Variants in THSD4 observed in about 807,000 individuals in gnomAD.
THSD4 encodes the protein thrombospondin type-1 domain-containing protein 4.
THSD4 carries 69 observed loss-of-function variants against 119.0 expected under a neutral mutation model. That is an observed-to-expected ratio of 0.58 (90% CI 0.48 to 0.71). The LOEUF (loss-of-function observed/expected upper bound fraction) is 0.71, where lower values mean the gene tolerates loss of function less well. Among genes scored for constraint, THSD4 ranks in the 30% least tolerant of loss-of-function variants. THSD4 has a pLI of 0.00. For synonymous variants in THSD4, 524 were observed against 540.4 expected, an observed-to-expected ratio of 0.97 and a Z score of 0.42; for missense variants, 1,393 against 1,391.1, an observed-to-expected ratio of 1.00 and a Z score of -0.02.
chr15:71,414,802 C>T (rs1286834934), intron 7 of THSD4, among the ~76,000 whole-genome samples: 2 of 152,108 alleles, frequency 1.3e-5, no homozygotes, highest in African/African-American at 4.8e-5. Context: ...AGACATTTTC[C>T]AGGATGTGAG....
chr15:71,586,029 A>G (rs2049662723), intron 7 of THSD4, among the ~76,000 whole-genome samples: 1 of 152,228 alleles, frequency 6.6e-6, no homozygotes, highest in African/African-American at 2.4e-5. Flanking sequence ...ATTAACTTTA[A>G]GATGATTATT....
chr15:71,126,925 C>A (rs1027395040), intron 1 of THSD4, among the ~76,000 whole-genome samples: 5 of 152,172 alleles, frequency 3.3e-5, no homozygotes, highest in African/African-American at 4.8e-5. Context: ...AAATACTTAT[C>A]ATTTTTTGTA....
chr15:71,147,029 A>G (rs571117330), intron 2 of THSD4, among the ~76,000 whole-genome samples: 1 of 152,276 alleles, frequency 6.6e-6, no homozygotes, highest in East Asian at 1.9e-4. Flanking sequence ...TTGGGTTAAC[A>G]TTGACCCCTC....
chr15:71,410,719 G>C (rs1160955295), intron 6 of THSD4, among the ~76,000 whole-genome samples: 7 of 152,156 alleles, frequency 4.6e-5, no homozygotes, highest in Non-Finnish European at 1.0e-4. Context: ...TGATATAACT[G>C]CGTAGATATT....
intron 7 of THSD4, among the ~76,000 whole-genome samples, chr15:71,578,744 G>T (rs1176813304): frequency 6.6e-6 from 1 of 151,898 alleles, no homozygotes; most frequent in East Asian, 1.9e-4. Flanking sequence ...AGGTTATATT[G>T]TGATAATATA....
intron 12 of THSD4, among the ~76,000 whole-genome samples, chr15:71,746,403 T>C (rs2053338009): frequency 6.6e-6 from 1 of 152,178 alleles, no homozygotes; most frequent in African/African-American, 2.4e-5. Context: ...TCTTTTTCTT[T>C]TCTTTTTTTG....
At chr15:71,245,215 T>A (rs566557468) in intron 5 of THSD4, among the ~76,000 whole-genome samples, 1 of 152,328 alleles carries the variant, frequency 6.6e-6, no homozygotes, top group East Asian at 1.9e-4. Flanking sequence ...TGTAGTTCCC[T>A]TCTCTTCCCT....
chr15:71,349,528 AC>A (rs2045717094), intron 6 of THSD4, among the ~76,000 whole-genome samples: 1 of 151,968 alleles, frequency 6.6e-6, no homozygotes. Context: ...CCTGTCAGTG[AC>A]CCCTGACCCC....
Position 71,532,283 on chromosome 15 carries a change from A to AGAGAGTGTGT in THSD4, c.1152+120461_1152+120462insAGAGTGTGTG, listed in dbSNP as rs1379506089. On this transcript the variant is annotated intron_variant, in intron 7 of 17. Coordinates refer to ENST00000261862, the MANE Select transcript of THSD4 (RefSeq NM_024817.3). ...AAGGGTGAGAGAGAGAGAGAGAGAG[A>AGAGAGTGTGT]GTGTGTGTGTGTGTGTGTGTGTGTG... 5.6e-3 allele frequency among the ~76,000 whole-genome samples: 568 copies of AGAGAGTGTGT among 101,606 alleles called. 5 individuals are homozygous for AGAGAGTGTGT. Among genetic ancestry groups the AGAGAGTGTGT allele is most frequent in the Non-Finnish European group, 6.6e-3 (316 of 47,926 alleles). The allele number at this position is 101,606 out of a possible 152,430, so 66.7% of individuals were successfully genotyped here.
chr15:71,302,190 C>T (rs1231672755), intron 6 of THSD4, among the ~76,000 whole-genome samples: 2 of 152,182 alleles, frequency 1.3e-5, no homozygotes, highest in East Asian at 3.9e-4. Context: ...CTTGTTTGAT[C>T]AGATTCCATG....
At chr15:71,533,514 C>T (rs1004956180) in intron 7 of THSD4, among the ~76,000 whole-genome samples, 74 of 152,190 alleles carry the variant, frequency 4.9e-4, no homozygotes, top group African/African-American at 1.6e-3. Context: ...TAACTCAGAC[C>T]TTGTGATTAA....
At chr15:71,117,858 T>C (rs957073389) in intron 1 of THSD4, among the ~76,000 whole-genome samples, 1 of 152,216 alleles carries the variant, frequency 6.6e-6, no homozygotes, top group Non-Finnish European at 1.5e-5. Context: ...GGACTGTTAC[T>C]ATGTGCTGGA....
At chr15:71,717,341 C>G (rs1345048014) in intron 8 of THSD4, among the ~76,000 whole-genome samples, 2 of 152,030 alleles carry the variant, frequency 1.3e-5, no homozygotes, top group African/African-American at 4.8e-5. Flanking sequence ...ATTTCAGCAA[C>G]AAAGACAGTG....
intron 3 of THSD4, among the ~76,000 whole-genome samples, chr15:71,195,722 G>C (rs1234757052): frequency 6.6e-6 from 1 of 152,146 alleles, no homozygotes; most frequent in African/African-American, 2.4e-5. Context: ...GGTTGCTCTG[G>C]AGGTGTGTGT....
intron 7 of THSD4, among the ~76,000 whole-genome samples, chr15:71,422,166 A>C (rs900234386): frequency 3.3e-5 from 5 of 152,050 alleles, no homozygotes; most frequent in East Asian, 3.9e-4. Context: ...TGCCTTATTT[A>C]GTTTGTTTGG....
chr15:71,771,253 A>G (rs1567145379), intron 17 of THSD4, 45 bp downstream of exon 17: 1 of 1,607,510 alleles, frequency 6.2e-7, no homozygotes. Context: ...GTGTTTTTTA[A>G]GCTTGTCAGA....
intron 7 of THSD4, among the ~76,000 whole-genome samples, chr15:71,528,878 T>C (rs974086247): frequency 1.3e-5 from 2 of 152,246 alleles, no homozygotes; most frequent in Non-Finnish European, 2.9e-5. Context: ...TTATTACTAA[T>C]ACACATCACA....
intron 6 of THSD4, among the ~76,000 whole-genome samples, chr15:71,387,007 C>T (rs11072279): frequency 0.06 from 9,150 of 152,152 alleles, 364 homozygotes; most frequent in African/African-American, 0.12. Flanking sequence ...TCCGGGTTTT[C>T]TGTTTTTGTT....
chr15:71,115,505 G>C lies in THSD4; in HGVS notation c.-273G>C, dbSNP rs1303615361. 1 of 151,848 alleles carries C rather than the reference G, an allele frequency of 6.6e-6. No individual in the cohort carries two copies. Among genetic ancestry groups the C allele is most frequent in the African/African-American group, 2.4e-5 (1 of 41,410 alleles). 9.4% of individuals were successfully genotyped at this position (151,848 alleles called of 1,614,324 possible). On this transcript the variant is annotated 5_prime_UTR_variant, in exon 1 of 18. Transcript: ENST00000261862. This position sits in a 1 kb window ranked among gnomAD's most constrained non-coding sequence, Gnocchi z 4.4. ...GAGCCAGAGCTCTCCGCGCGCGCCT[G>C]AACCGCTGGCCGCCCGCGCAGCCCG...
Sources: gnomAD v4.1 joint callset for allele counts (sites outside exome capture counted in the v4.1 genomes callset) on GRCh38, gnomAD v4.1.1 for gene constraint, Gnocchi (gnomAD v3.1) non-coding constraint, MANE v1.5 for transcripts, NCBI Gene and HGNC (gene_info 2026-07-23, HGNC 2026-07-21) for gene names.